Variants in CYTIP observed in about 807,000 individuals in gnomAD.
CYTIP encodes the protein cytohesin-interacting protein.
In CYTIP, 26 loss-of-function variants were observed where a neutral mutation model predicts 43.8. The ratio of observed to expected loss-of-function variants is 0.59; its 90% confidence interval spans 0.44 to 0.82. The LOEUF is 0.82. Among genes scored for constraint, CYTIP ranks in the 40% least tolerant of loss-of-function variants. The probability of loss-of-function intolerance (pLI) is 0.00; values close to 1 mark genes in which losing one functional copy is unlikely to be tolerated. For synonymous variants in CYTIP, 162 were observed against 162.9 expected, an observed-to-expected ratio of 0.99 and a Z score of 0.04; for missense variants, 426 against 443.1, an observed-to-expected ratio of 0.96 and a Z score of 0.35.
intron 6 of CYTIP, among the ~76,000 whole-genome samples, chr2:157,421,512 A>T (rs776807673): frequency 6.6e-6 from 1 of 152,260 alleles, no homozygotes; most frequent in Admixed American, 6.5e-5. Flanking sequence ...TGAATATTCA[A>T]TGTAACAAAA....
chr2:157,423,634 G>C (rs1408789404), intron 6 of CYTIP, among the ~76,000 whole-genome samples: 1 of 151,894 alleles, frequency 6.6e-6, no homozygotes, highest in African/African-American at 2.4e-5. Flanking sequence ...GTCATGCTAA[G>C]AGTCTAGTAA....
intron 1 of CYTIP, chr2:157,438,883 C>A: frequency 3.0e-6 from 1 of 336,704 alleles, no homozygotes; most frequent in South Asian, 2.4e-5. Context: ...TTTTAAATAC[C>A]CTTTTAGTAT....
Position 157,415,489 on chromosome 2 carries a change from T to C in CYTIP, c.*188A>G, listed in dbSNP as rs1685425161. On this transcript the variant is annotated 3_prime_UTR_variant, in exon 8 of 8. Coordinates refer to ENST00000264192, the MANE Select transcript of CYTIP (RefSeq NM_004288.5). The stretch of plus-strand genomic sequence containing the variant: ...TTAGTTTTCCTGTCTGCTTAGAAAT[T>C]GGCTGTTTAGGTTGAAAAATGATTT... 9.2e-6 allele frequency: 5 copies of C among 544,110 alleles called. No individual in the cohort carries two copies. Among genetic ancestry groups the C allele is most frequent in the Admixed American group, 3.6e-5 (1 of 27,500 alleles). 33.7% of individuals were successfully genotyped at this position (544,110 alleles called of 1,614,324 possible). A position where few individuals can be genotyped will look rare whatever the true frequency, so the allele number is the denominator to read the frequency against.
chr2:157,420,144 T>A (rs1295323916), intron 6 of CYTIP, among the ~76,000 whole-genome samples: 1 of 152,238 alleles, frequency 6.6e-6, no homozygotes, highest in African/African-American at 2.4e-5. Context: ...GAAACAAGCC[T>A]GGGCAACATA....
intron 5 of CYTIP, 53 bp from the exon 6 acceptor site, chr2:157,427,473 T>C (rs1421495918): frequency 1.5e-6 from 2 of 1,366,372 alleles, no homozygotes; most frequent in Non-Finnish European, 2.0e-6. Flanking sequence ...GTAACATGAG[T>C]GATTCGTTTA....
At chr2:157,419,189 G>A (rs1030855975) in intron 6 of CYTIP, among the ~76,000 whole-genome samples, 7 of 152,066 alleles carry the variant, frequency 4.6e-5, no homozygotes, top group Admixed American at 2.6e-4. Context: ...TAGTAGCGAC[G>A]GGGTTTCACC....
chr2:157,435,457 T>G (rs1272586886), intron 1 of CYTIP, among the ~76,000 whole-genome samples: 1 of 152,176 alleles, frequency 6.6e-6, no homozygotes, highest in Non-Finnish European at 1.5e-5. Context: ...AACCTCAGAA[T>G]AGTATCAATG....
intron 5 of CYTIP, among the ~76,000 whole-genome samples, chr2:157,429,586 A>C (rs1214079262): frequency 6.6e-6 from 1 of 152,220 alleles, no homozygotes; most frequent in Non-Finnish European, 1.5e-5. Flanking sequence ...CAGAGCTGGA[A>C]ACATAGTATT....
At chr2:157,438,923 TCAA>T (rs1685859166) in intron 1 of CYTIP, 4 of 424,820 alleles carry the variant, frequency 9.4e-6, no homozygotes, top group Admixed American at 5.1e-5. Flanking sequence ...ATTAGGAACT[TCAA>T]GATTTCATCC....
chr2:157,424,024 A>C (rs556961137), intron 6 of CYTIP, among the ~76,000 whole-genome samples: 1 of 152,334 alleles, frequency 6.6e-6, no homozygotes, highest in Middle Eastern at 3.4e-3. Context: ...TTCCTAGTGG[A>C]AAAGAAATTA....
chr2:157,432,629 C>A (rs974087070), intron 3 of CYTIP, among the ~76,000 whole-genome samples: 12 of 152,106 alleles, frequency 7.9e-5, no homozygotes, highest in Non-Finnish European at 1.3e-4. Flanking sequence ...TTGGGCTGCA[C>A]GATTCTGATA....
Position 157,414,844 on chromosome 2 carries a change from T to G in CYTIP, c.*833A>C, listed in dbSNP as rs2105128836. On this transcript the variant is annotated 3_prime_UTR_variant, in exon 8 of 8. Coordinates refer to ENST00000264192, the MANE Select transcript of CYTIP (RefSeq NM_004288.5). ...ATATAAGATATAAAGTGAGAAGTAA[T>G]ATGAAAAAAACTACAGGAGGGAAGT... 6.6e-6 allele frequency: 1 copy of G among 152,084 alleles called. No individual in the cohort carries two copies. The highest frequency in any genetic ancestry group is 3.4e-3 in the Middle Eastern group (1 of 294). The allele number at this position is 152,084 out of a possible 1,614,324, so 9.4% of individuals were successfully genotyped here.
chr2:157,421,361 C>T (rs1685519831), intron 6 of CYTIP, among the ~76,000 whole-genome samples: 1 of 152,180 alleles, frequency 6.6e-6, no homozygotes, highest in Non-Finnish European at 1.5e-5. Flanking sequence ...ACATTTGTTC[C>T]AAAGAAGTTT....
chr2:157,415,955 C>T lies in CYTIP; in HGVS notation c.802G>A (p.Asp268Asn). The stretch of plus-strand genomic sequence containing the variant: ...CGACTGAAGGCACCCCTGCTGGAGT[C>T]CTCAGACACACACGTCTGGTAGCCA... Reference protein sequence around the residue: ...EDGYQTCVSEDSSRGAFSRQT... With the variant: ...EDGYQTCVSENSSRGAFSRQT... The change falls in exon 8 of 8, where the codon GAC (aspartate) becomes AAC (asparagine). Residue 268 changes from aspartate to asparagine, a missense_variant. Transcript: ENST00000264192. 6.2e-7 allele frequency: 1 copy of T among 1,614,222 alleles called. No homozygotes were observed. The highest frequency in any genetic ancestry group is 8.5e-7 in the Non-Finnish European group (1 of 1,180,048).
At chr2:157,428,453 A>G (rs993989325) in intron 5 of CYTIP, among the ~76,000 whole-genome samples, 5 of 152,334 alleles carry the variant, frequency 3.3e-5, no homozygotes, top group Non-Finnish European at 7.4e-5. Flanking sequence ...TCTGAGAAAT[A>G]GTGGGAATCC....
rs1305754485 is a variant in CYTIP at position 157,443,991 on chromosome 2, G to A, written c.30C>T (p.Ser10=). 2 of 1,613,942 alleles carry A rather than the reference G, an allele frequency of 1.2e-6. No homozygotes were observed. Among genetic ancestry groups the A allele is most frequent in the African/African-American group, 1.3e-5 (1 of 74,936 alleles). Residue 10 remains serine (S), a synonymous_variant, in exon 1 of 8, where the codon AGC becomes AGT. Transcript: ENST00000264192. Reference sequence around the variant, plus strand: ...AGAAGTCCGCCAAATTGCCATTGCTGCTGTGTTGCAGGAGCCTTTGTAAAG... The same window carrying A: ...AGAAGTCCGCCAAATTGCCATTGCTACTGTGTTGCAGGAGCCTTTGTAAAG... MSLQRLLQH[S]SNGNLADFCA...
chr2:157,431,102 C>A, intron 3 of CYTIP, 140 bp from the exon 4 acceptor site: 1 of 656,520 alleles, frequency 1.5e-6, no homozygotes, highest in South Asian at 2.4e-5. Context: ...TAAACTAAAT[C>A]AAGGTATCAA....
rs1685773285 is a variant in CYTIP, at chr2:157,434,410, A to T, written c.239T>A (p.Val80Glu). 6.2e-6 allele frequency: 10 copies of T among 1,612,610 alleles called. No individual in the cohort carries two copies. Among genetic ancestry groups the T allele is most frequent in the Non-Finnish European group, 8.5e-6 (10 of 1,179,086 alleles). ...AAATGTTTCATTATCCTGCTTCTCC[A>T]CAGTAACAAGCTTTCTGTAATAAAA... ...FSWSQRKLVTVEKQDNETFGF... is the reference protein window; with the variant it reads ...FSWSQRKLVTEEKQDNETFGF... Residue 80 changes from valine (V) to glutamate (E), a missense_variant, in exon 3 of 8, where the codon GTG (valine) becomes GAG (glutamate). Val to Glu is a moderately radical substitution (Grantham distance 121). Coordinates refer to ENST00000264192, the MANE Select transcript of CYTIP (RefSeq NM_004288.5).
chr2:157,415,633 A>G lies in CYTIP; in HGVS notation c.*44T>C. ...CAAGCTGGGATCTGGGTGAGTCTAGAGATATTTGTGAAATAAGCTAATTTG... is the reference window on the plus strand; with the variant it reads ...CAAGCTGGGATCTGGGTGAGTCTAGGGATATTTGTGAAATAAGCTAATTTG... On this transcript the variant is annotated 3_prime_UTR_variant, in exon 8 of 8. Transcript: ENST00000264192. 2.2e-6 allele frequency: 3 copies of G among 1,376,712 alleles called. No homozygotes were observed. Among genetic ancestry groups the G allele is most frequent in the Non-Finnish European group, 3.0e-6 (3 of 987,444 alleles). 85.3% of individuals were successfully genotyped at this position (1,376,712 alleles called of 1,614,324 possible). A position where few individuals can be genotyped will look rare whatever the true frequency, so the allele number is the denominator to read the frequency against.
Sources: allele counts gnomAD v4.1 joint callset (sites outside exome capture counted in the v4.1 genomes callset), GRCh38; gene constraint gnomAD v4.1.1; transcripts MANE v1.5; gene names NCBI Gene and HGNC (gene_info 2026-07-23, HGNC 2026-07-21).